The following PLB1 variants were observed in gnomAD, a reference collection of about 807,000 sequenced individuals.
The protein encoded by PLB1 is phospholipase B1, membrane-associated.
PLB1 carries 242 observed loss-of-function variants against 227.4 expected under a neutral mutation model. The observed-to-expected ratio is 1.06, with a 90% CI of 0.96 to 1.18. PLB1 has a LOEUF of 1.18. Among genes scored for constraint, PLB1 ranks in the 50% most tolerant of loss-of-function variants. PLB1 has a pLI of 0.00. For synonymous variants in PLB1, 757 were observed against 682.2 expected, an observed-to-expected ratio of 1.11 and a Z score of -1.71; for missense variants, 1,858 against 1,816.3, an observed-to-expected ratio of 1.02 and a Z score of -0.42.
chr2:28,609,088 GTTTA>G (rs747879231), intron 43 of PLB1, among the ~76,000 whole-genome samples: 8 of 151,968 alleles, frequency 5.3e-5, no homozygotes, highest in Non-Finnish European at 1.0e-4. Context: ...GCTAATTTTG[GTTTA>G]TTTGTTTTGG....
At chr2:28,516,725 T>TAG in intron 1 of PLB1, 83 bp from the exon 2 acceptor site, 4 of 1,238,920 alleles carry the variant, frequency 3.2e-6, no homozygotes, top group Non-Finnish European at 4.7e-6. Flanking sequence ...CAGATATGGC[T>TAG]AGGAGGAAGG....
intron 20 of PLB1, among the ~76,000 whole-genome samples, chr2:28,567,120 G>A (rs1301295559): frequency 6.6e-6 from 1 of 152,168 alleles, no homozygotes; most frequent in East Asian, 1.9e-4. Context: ...AAGTAAAGCG[G>A]GGAAAAAGAT....
intron 20 of PLB1, 77 bp from the exon 21 acceptor site, chr2:28,573,120 C>T: frequency 8.8e-7 from 1 of 1,136,284 alleles, no homozygotes. Context: ...TTCCCTAACA[C>T]CCACTGGTGC....
At chr2:28,531,630 TCAAA>T (rs1414069160) in intron 8 of PLB1, among the ~76,000 whole-genome samples, 2 of 152,178 alleles carry the variant, frequency 1.3e-5, no homozygotes, top group African/African-American at 4.8e-5. Context: ...TTTTATAACC[TCAAA>T]CAGATTTTCT....
chr2:28,525,614 G>A (rs1366044581), intron 5 of PLB1, among the ~76,000 whole-genome samples: 1 of 152,150 alleles, frequency 6.6e-6, no homozygotes, highest in African/African-American at 2.4e-5. Context: ...ACCATGCAGG[G>A]CTGGGGCCAG....
chr2:28,588,120 AGAT>A (rs1681225929), intron 26 of PLB1, among the ~76,000 whole-genome samples: 1 of 152,020 alleles, frequency 6.6e-6, no homozygotes, highest in African/African-American at 2.4e-5. Context: ...CTCTCCCTGG[AGAT>A]GATCATTTCT....
intron 43 of PLB1, 133 bp from the exon 44 acceptor site, chr2:28,613,898 T>C: frequency 1.3e-6 from 1 of 763,158 alleles, no homozygotes; most frequent in Non-Finnish European, 2.2e-6. Context: ...ATTATGTTTA[T>C]ACAGTTCTTT....
intron 7 of PLB1, 32 bp downstream of exon 7, chr2:28,529,439 ATG>A: frequency 6.6e-7 from 1 of 1,513,432 alleles, no homozygotes; most frequent in Non-Finnish European, 9.2e-7. Flanking sequence ...CTCTGAGGTT[ATG>A]TGTTCCTACT....
chr2:28,512,585 A>G (rs959865544), intron 1 of PLB1, among the ~76,000 whole-genome samples: 1 of 151,662 alleles, frequency 6.6e-6, no homozygotes, highest in Admixed American at 6.6e-5. Flanking sequence ...AGGGTCGTCA[A>G]TTTGTTTTTT....
chr2:28,542,354 G>T (rs1301607232), intron 13 of PLB1, among the ~76,000 whole-genome samples: 1 of 152,160 alleles, frequency 6.6e-6, no homozygotes, highest in African/African-American at 2.4e-5. Flanking sequence ...GTTAGAGGCA[G>T]GGCAGCCCAG....
At chr2:28,642,790 C>A in intron 57 of PLB1, 68 bp from the exon 58 acceptor site, 1 of 1,353,836 alleles carries the variant, frequency 7.4e-7, no homozygotes, top group Non-Finnish European at 1.0e-6. Context: ...GGGGACTAGG[C>A]AAGTCTTGGC....
chr2:28,592,829 C>T, intron 32 of PLB1, 110 bp downstream of exon 32: 1 of 972,948 alleles, frequency 1.0e-6, no homozygotes. Context: ...TCTTGCCCCT[C>T]TACCTGGCTC....
chr2:28,525,314 A>G lies in PLB1; in HGVS notation c.284+7A>G, dbSNP rs200589503. 6.4e-5 allele frequency: 103 copies of G among 1,613,270 alleles called. 1 individual carries two copies. The Admixed American group carries it at 1.4e-3, about 21-fold the overall frequency. On this transcript the variant is annotated splice_region_variant and intron_variant, in intron 5 of 57. Transcript: ENST00000327757. ...ATCTGGAGAAGCAAGACTGGTAACT[A>G]TCCTGAAAACACAGAAAACAGAAAG... is the stretch of plus-strand genomic sequence containing the variant.
At position 28,529,782 on chromosome 2, in the gene PLB1, A is replaced by T. The variant is rs768176468; in HGVS notation, c.468+3A>T. ...TGAGAAACATGAAAGAGAACCTGGTAAGCATCCGTCCAACTCTGGCATGGC... is the reference window on the plus strand; with the variant it reads ...TGAGAAACATGAAAGAGAACCTGGTTAGCATCCGTCCAACTCTGGCATGGC... On this transcript the variant is annotated splice_donor_region_variant and intron_variant, in intron 8 of 57. Coordinates refer to ENST00000327757, the MANE Select transcript of PLB1 (RefSeq NM_153021.5). The T allele has an allele frequency of 6.2e-7, 1 of 1,614,016 alleles. No individual in the cohort carries two copies. Among genetic ancestry groups the T allele is most frequent in the Non-Finnish European group, 8.5e-7 (1 of 1,179,916 alleles).
chr2:28,554,092 G>C (rs56183461), intron 17 of PLB1, among the ~76,000 whole-genome samples: 3 of 152,260 alleles, frequency 2.0e-5, no homozygotes, highest in South Asian at 2.1e-4. Context: ...AATAGGGGAT[G>C]TAGATCTTAC....
At chr2:28,584,527 T>C (rs1004432206) in intron 25 of PLB1, among the ~76,000 whole-genome samples, 1 of 152,206 alleles carries the variant, frequency 6.6e-6, no homozygotes, top group African/African-American at 2.4e-5. Context: ...TTGCTACCCA[T>C]CTTGGCAGGG....
Position 28,553,009 on chromosome 2 carries a change from A to G in PLB1, c.1147+18A>G, listed in dbSNP as rs376348333. On this transcript the variant is annotated intron_variant, in intron 17 of 57. Coordinates refer to ENST00000327757, the MANE Select transcript of PLB1 (RefSeq NM_153021.5). ...CACCTCAGGTACACAGCTTGCACCC[A>G]GTGATTTTAAAATTCATTCGAGGCC... is the stretch of plus-strand genomic sequence containing the variant. 6.2e-6 allele frequency: 10 copies of G among 1,608,118 alleles called. No individual in the cohort carries two copies. The highest frequency in any genetic ancestry group is 1.3e-5 in the African/African-American group (1 of 74,812).
At chr2:28,533,922 T>C (rs1483498387) in intron 9 of PLB1, among the ~76,000 whole-genome samples, 1 of 152,256 alleles carries the variant, frequency 6.6e-6, no homozygotes. Context: ...ACAAATATTT[T>C]CCTTCTAAAA....
At chr2:28,527,275 G>A (rs954582850) in intron 6 of PLB1, among the ~76,000 whole-genome samples, 5 of 152,186 alleles carry the variant, frequency 3.3e-5, no homozygotes, top group Non-Finnish European at 5.9e-5. Flanking sequence ...CAGAGGTCCC[G>A]CAGAAAGCAG....
Sources: gnomAD v4.1 joint callset for allele counts (sites outside exome capture counted in the v4.1 genomes callset) on GRCh38, gnomAD v4.1.1 for gene constraint, MANE v1.5 for transcripts, NCBI Gene and HGNC (gene_info 2026-07-23, HGNC 2026-07-21) for gene names.